Variants in ESRRB observed in about 807,000 individuals in gnomAD.
ESRRB encodes estrogen related receptor beta.
A neutral mutation model predicts 46.0 loss-of-function variants in ESRRB; 16 were observed. The ratio of observed to expected loss-of-function variants is 0.35; its 90% CI spans 0.24 to 0.53. ESRRB has a LOEUF of 0.53. Ranked by LOEUF, ESRRB falls within the 20% of genes least tolerant of loss-of-function variation. The probability of loss-of-function intolerance (pLI) is 0.93; values close to 1 mark genes in which losing one functional copy is unlikely to be tolerated. For missense variants in ESRRB, 488 were observed against 607.4 expected, an observed-to-expected ratio of 0.80 and a Z score of 2.07; for synonymous variants, 246 against 259.6, an observed-to-expected ratio of 0.95 and a Z score of 0.50.
chr14:76,449,651 C>T (rs966805237), intron 2 of ESRRB, among the ~76,000 whole-genome samples: 2 of 152,036 alleles, frequency 1.3e-5, no homozygotes, highest in Non-Finnish European at 2.9e-5. Flanking sequence ...CATGTGTCTT[C>T]CCAAATTTTA....
At chr14:76,474,827 A>T (rs1396131800) in intron 3 of ESRRB, among the ~76,000 whole-genome samples, 1 of 149,348 alleles carries the variant, frequency 6.7e-6, no homozygotes, top group Non-Finnish European at 1.5e-5. Flanking sequence ...AAACAAAACA[A>T]AACAAAACAA....
intron 5 of ESRRB, among the ~76,000 whole-genome samples, chr14:76,486,890 C>T (rs550795886): frequency 1.4e-4 from 22 of 152,296 alleles, no homozygotes; most frequent in African/African-American, 4.6e-4. Flanking sequence ...GAGACCCAGC[C>T]CAGCTGAGAG....
intron 1 of ESRRB, among the ~76,000 whole-genome samples, chr14:76,378,084 G>T (rs1884854183): frequency 1.3e-5 from 2 of 152,188 alleles, no homozygotes; most frequent in African/African-American, 4.8e-5. Context: ...GGTGCTTGTG[G>T]AGCATTTCCT....
intron 1 of ESRRB, among the ~76,000 whole-genome samples, chr14:76,432,563 G>A (rs548011628): frequency 1.3e-5 from 2 of 152,110 alleles, no homozygotes; most frequent in African/African-American, 4.8e-5. Context: ...GGTGGGTTTG[G>A]GGGGTAAAGA....
At chr14:76,388,324 G>A (rs2005043) in intron 1 of ESRRB, among the ~76,000 whole-genome samples, 8 of 151,912 alleles carry the variant, frequency 5.3e-5, no homozygotes, top group Non-Finnish European at 5.9e-5. Context: ...GACTATAGGC[G>A]CCTGCCACCA....
chr14:76,464,269 T>C (rs1889012037), intron 3 of ESRRB, among the ~76,000 whole-genome samples: 1 of 152,150 alleles, frequency 6.6e-6, no homozygotes, highest in East Asian at 1.9e-4. Flanking sequence ...GGAGTGGGCT[T>C]CTGGAAGCCC....
At position 76,410,057 on chromosome 14, in the gene ESRRB, C is replaced by G. The variant is rs28581992; in HGVS notation, c.51-29284C>G. ...TGGCCAACATGGTGAAACTCCGTCT[C>G]TACTAAAAATACAAAAACTAGCCAG... On this transcript the variant is annotated intron_variant, in intron 1 of 6. Coordinates refer to ENST00000644823, the MANE Select transcript of ESRRB (RefSeq NM_001379180.1). Among the ~76,000 whole-genome samples, 566 of 152,186 alleles carry G rather than the reference C, an allele frequency of 3.7e-3. 2 individuals are homozygous for G. Among genetic ancestry groups the G allele is most frequent in the African/African-American group, 0.013 (540 of 41,520 alleles).
At chr14:76,353,402 C>T (rs929554635) in intron 1 of ESRRB, among the ~76,000 whole-genome samples, 8 of 152,182 alleles carry the variant, frequency 5.3e-5, no homozygotes, top group African/African-American at 1.9e-4. Context: ...GTCTTGGGTT[C>T]GCCAGCCATT....
chr14:76,491,762 C>T, intron 6 of ESRRB, 46 bp downstream of exon 6: 1 of 1,539,662 alleles, frequency 6.5e-7, no homozygotes. Context: ...TAGGGCTCTG[C>T]ATGGGCCTAA....
intron 1 of ESRRB, among the ~76,000 whole-genome samples, chr14:76,365,534 G>A (rs371132669): frequency 6.2e-4 from 94 of 152,178 alleles, no homozygotes; most frequent in Non-Finnish European, 8.4e-4. Flanking sequence ...TTGTTTGAAC[G>A]CAGGGGTATG....
intron 1 of ESRRB, among the ~76,000 whole-genome samples, chr14:76,401,975 G>T (rs561325449): frequency 6.6e-6 from 1 of 152,206 alleles, no homozygotes; most frequent in Admixed American, 6.5e-5. Flanking sequence ...TAGTCCAAAG[G>T]CAGGCAGACT....
intron 1 of ESRRB, among the ~76,000 whole-genome samples, chr14:76,320,141 G>A (rs533472136): frequency 1.4e-4 from 22 of 152,136 alleles, no homozygotes; most frequent in Non-Finnish European, 3.1e-4. Flanking sequence ...CAGAGAGAGG[G>A]CAAGTGGATG....
intron 3 of ESRRB, 82 bp downstream of exon 3, chr14:76,462,743 C>A (rs1888924431): frequency 2.0e-6 from 2 of 1,024,064 alleles, no homozygotes; most frequent in Non-Finnish European, 1.5e-6. Flanking sequence ...CACCCACAAG[C>A]TGTGGACCTG....
intron 1 of ESRRB, among the ~76,000 whole-genome samples, chr14:76,437,101 G>A (rs186094565): frequency 1.2e-4 from 19 of 152,204 alleles, no homozygotes; most frequent in Non-Finnish European, 1.0e-4. Flanking sequence ...GCCCGATCTC[G>A]GCTCACTGCA....
intron 5 of ESRRB, among the ~76,000 whole-genome samples, chr14:76,485,107 G>C (rs1889954502): frequency 6.6e-6 from 1 of 151,976 alleles, no homozygotes; most frequent in Non-Finnish European, 1.5e-5. Flanking sequence ...TGCCTATTTT[G>C]CATAAATCTG....
chr14:76,482,485 G>C lies in ESRRB; in HGVS notation c.689-113G>C, dbSNP rs976091725. On this transcript the variant is annotated intron_variant, in intron 4 of 6. Coordinates refer to ENST00000644823, the MANE Select transcript of ESRRB (RefSeq NM_001379180.1). This position sits in a 1 kb window ranked among gnomAD's most constrained non-coding sequence, Gnocchi z 4.3. ...CAGGAGGGGAGATTATAGCCGCTTTGACCTTCCTGGAGCTCTTAGGAACCC... is the reference window on the plus strand; with the variant it reads ...CAGGAGGGGAGATTATAGCCGCTTTCACCTTCCTGGAGCTCTTAGGAACCC... 7.5e-6 allele frequency: 8 copies of C among 1,067,866 alleles called. No homozygotes were observed. The highest frequency in any genetic ancestry group is 1.1e-5 in the Non-Finnish European group (8 of 704,832). 66.1% of individuals were successfully genotyped at this position (1,067,866 alleles called of 1,614,324 possible).
intron 1 of ESRRB, among the ~76,000 whole-genome samples, chr14:76,321,431 T>G (rs1033564785): frequency 2.0e-5 from 3 of 152,218 alleles, no homozygotes; most frequent in African/African-American, 7.2e-5. Context: ...TGAACCATAT[T>G]ATGACTTTAA....
chr14:76,398,594 G>C (rs1885799648), intron 1 of ESRRB, among the ~76,000 whole-genome samples: 1 of 152,134 alleles, frequency 6.6e-6, no homozygotes, highest in Non-Finnish European at 1.5e-5. Flanking sequence ...TAGGGCTGTG[G>C]GGGAAGGGGT....
chr14:76,416,536 C>G (rs894762150), intron 1 of ESRRB, among the ~76,000 whole-genome samples: 1 of 151,982 alleles, frequency 6.6e-6, no homozygotes, highest in Non-Finnish European at 1.5e-5. Flanking sequence ...ATGGCGTGAT[C>G]GTGGTTCACT....
Sources: gnomAD v4.1 joint callset for allele counts (sites outside exome capture counted in the v4.1 genomes callset) on GRCh38, gnomAD v4.1.1 for gene constraint, Gnocchi (gnomAD v3.1) non-coding constraint, MANE v1.5 for transcripts, NCBI Gene and HGNC (gene_info 2026-07-23, HGNC 2026-07-21) for gene names.